VANGL2: variants seen among roughly 807,000 people sequenced by gnomAD.
The protein encoded by VANGL2 is VANGL planar cell polarity protein 2.
A neutral mutation model predicts 50.2 loss-of-function variants in VANGL2; 14 were observed. That is an observed-to-expected ratio of 0.28 (90% confidence interval 0.18 to 0.44). The LOEUF (loss-of-function observed/expected upper bound fraction) is 0.44. VANGL2 is among the 20% of genes least tolerant of loss of function. The probability of loss-of-function intolerance (pLI) is 1.00; values close to 1 mark genes in which losing one functional copy is unlikely to be tolerated. For synonymous variants in VANGL2, 295 were observed against 297.2 expected (o/e 0.99, Z 0.08); for missense variants, 533 against 701.5 (o/e 0.76, Z 2.71).
chr1:160,409,073 G>A (rs1293972744), intron 1 of VANGL2, among the ~76,000 whole-genome samples: 1 of 152,220 alleles, frequency 6.6e-6, no homozygotes, highest in East Asian at 1.9e-4. Flanking sequence ...GCTGAGGCCT[G>A]TCTAGTCTCT....
At chr1:160,407,175 G>C (rs1487272108) in intron 1 of VANGL2, among the ~76,000 whole-genome samples, 1 of 152,204 alleles carries the variant, frequency 6.6e-6, no homozygotes, top group East Asian at 1.9e-4. Context: ...GGAGGTGGCA[G>C]ATATAAGGGA....
chr1:160,427,913 C>T lies in VANGL2; in HGVS notation c.*2535C>T, dbSNP rs1035879017. 4 of 152,848 alleles carry T rather than the reference C, an allele frequency of 2.6e-5. No homozygotes were observed. Among genetic ancestry groups the T allele is most frequent in the Non-Finnish European group, 4.4e-5 (3 of 68,198 alleles). The allele number at this position is 152,848 out of a possible 1,614,324, so 9.5% of individuals were successfully genotyped here. A position where few individuals can be genotyped will look rare whatever the true frequency, so the allele number is the denominator to read the frequency against. On this transcript the variant is annotated 3_prime_UTR_variant, in exon 8 of 8. Coordinates refer to ENST00000368061, the MANE Select transcript of VANGL2 (RefSeq NM_020335.3). ...TAGCAGGCCTTCCTTTTCACCACCT[C>T]GGAACGCTTGCCTTTCCTCCCTCCA...
At chr1:160,416,827 G>A (rs1651076703) in intron 3 of VANGL2, among the ~76,000 whole-genome samples, 2 of 152,246 alleles carry the variant, frequency 1.3e-5, no homozygotes, top group Admixed American at 1.3e-4. Context: ...ATAGGGCAGA[G>A]GCAGGATTTT....
At position 160,420,519 on chromosome 1, in the gene VANGL2, T is replaced by C. The variant is rs1175952096; in HGVS notation, c.909T>C (p.Ser303=). 1.2e-6 allele frequency: 2 copies of C among 1,614,168 alleles called. No homozygotes were observed. Residue 303 remains serine (S), a synonymous_variant, in exon 5 of 8, where the codon TCT becomes TCC. Transcript: ENST00000368061. ...LPKSVLAKKV[S]GFKVYSLGEE... is the part of the protein sequence containing the mutation. ...AGTCCGTCCTGGCCAAGAAAGTGTCTGGCTTCAAGGTGTATTCCCTCGGAG... is the reference window on the plus strand; with the variant it reads ...AGTCCGTCCTGGCCAAGAAAGTGTCCGGCTTCAAGGTGTATTCCCTCGGAG...
At chr1:160,401,079 C>T (rs980359948) in intron 1 of VANGL2, among the ~76,000 whole-genome samples, 12 of 67,086 alleles carry the variant, frequency 1.8e-4, no homozygotes, top group African/African-American at 6.1e-4. Flanking sequence ...AGCGGAGTAC[C>T]CCCCCCAACT....
intron 1 of VANGL2, among the ~76,000 whole-genome samples, chr1:160,408,887 C>A (rs998050673): frequency 1.3e-5 from 2 of 152,252 alleles, no homozygotes; most frequent in African/African-American, 2.4e-5. Flanking sequence ...CTTGCCCACT[C>A]TGTACCTTAG....
chr1:160,428,145 G>A lies in VANGL2; in HGVS notation c.*2767G>A, dbSNP rs1431670831. ...ACTCAGTATTCCAATGGCAAACCCTGATGATGTAACACCTGCGATGAGACA... is the reference window on the plus strand; with the variant it reads ...ACTCAGTATTCCAATGGCAAACCCTAATGATGTAACACCTGCGATGAGACA... On this transcript the variant is annotated 3_prime_UTR_variant, in exon 8 of 8. Transcript: ENST00000368061. The A allele has an allele frequency of 1.3e-5, 2 of 152,480 alleles. No homozygotes were observed. The highest frequency in any genetic ancestry group is 6.6e-5 in the Admixed American group (1 of 15,258). The allele number at this position is 152,480 out of a possible 1,614,324, so 9.4% of individuals were successfully genotyped here.
intron 4 of VANGL2, among the ~76,000 whole-genome samples, 171 bp from the exon 5 acceptor site, chr1:160,420,240 A>G (rs1156523034): frequency 2.0e-5 from 3 of 152,020 alleles, no homozygotes; most frequent in African/African-American, 7.2e-5. Flanking sequence ...GCCCTGGGAA[A>G]GGCTTGGGAG....
chr1:160,423,685 G>A (rs758722045), intron 6 of VANGL2, among the ~76,000 whole-genome samples: 2 of 152,216 alleles, frequency 1.3e-5, no homozygotes, highest in Admixed American at 6.5e-5. Context: ...ACAGAAATCT[G>A]TCATTTTGAT....
At chr1:160,420,699 G>T (rs1557911621) in intron 5 of VANGL2, 152 bp downstream of exon 5, 4 of 1,158,830 alleles carry the variant, frequency 3.5e-6, no homozygotes, top group Non-Finnish European at 5.0e-6. Flanking sequence ...ACTCCAGGTG[G>T]CTGATCTTAG....
chr1:160,421,042 T>A lies in VANGL2; in HGVS notation c.938-10T>A. 1 of 1,614,072 alleles carries A rather than the reference T, an allele frequency of 6.2e-7. No individual in the cohort carries two copies. Among genetic ancestry groups the A allele is most frequent in the Non-Finnish European group, 8.5e-7 (1 of 1,180,004 alleles). On this transcript the variant is annotated splice_polypyrimidine_tract_variant and intron_variant, in intron 5 of 7. Transcript: ENST00000368061. Reference sequence around the variant, plus strand: ...GATGTGACCATCTCCTCTATCCTGTTCCTGTGCAGAAAACAGCACCAACAA... The same window carrying A: ...GATGTGACCATCTCCTCTATCCTGTACCTGTGCAGAAAACAGCACCAACAA...
At chr1:160,421,302 G>T (rs1651266349) in intron 6 of VANGL2, 115 bp downstream of exon 6, 5 of 1,402,608 alleles carry the variant, frequency 3.6e-6, no homozygotes, top group Admixed American at 4.0e-5. Flanking sequence ...ATGAGTTGGG[G>T]GTGTGTGCTT....
Position 160,416,868 on chromosome 1 carries a change from C to T in VANGL2, c.192+686C>T, listed in dbSNP as rs139920978. Among the ~76,000 whole-genome samples, 56 of 152,274 alleles carry T rather than the reference C, an allele frequency of 3.7e-4. 1 individual carries two copies. The East Asian group carries it at 5.0e-3, about 14-fold the overall frequency. The stretch of plus-strand genomic sequence containing the variant: ...ACACTGAGGTTGCCCAAGTCTCATT[C>T]CCCTTGGGATCATCTTTGGGGGCTG... On this transcript the variant is annotated intron_variant, in intron 3 of 7. Transcript: ENST00000368061.
Position 160,418,766 on chromosome 1 carries a change from C to T in VANGL2, c.193-236C>T, listed in dbSNP as rs374684340. Among the ~76,000 whole-genome samples the T allele has an allele frequency of 1.2e-4, 19 of 152,260 alleles. No individual in the cohort carries two copies. The South Asian group carries it at 1.5e-3, about 12-fold the overall frequency. On this transcript the variant is annotated intron_variant, in intron 3 of 7. Coordinates refer to ENST00000368061, the MANE Select transcript of VANGL2 (RefSeq NM_020335.3). ...TCTCACTGACCAGTGTCCAGCTCCC[C>T]GAGGGCTCGGGTCTTGGATTTGGCC...
At position 160,404,656 on chromosome 1, in the gene VANGL2, A is replaced by G. The variant is rs537288332; in HGVS notation, c.-191+3787A>G. ...GGATATTTCATACAAATGGAATGATAGAATGCATGACCTTTTGAATCTGGC... is the reference window on the plus strand; with the variant it reads ...GGATATTTCATACAAATGGAATGATGGAATGCATGACCTTTTGAATCTGGC... On this transcript the variant is annotated intron_variant, in intron 1 of 7. Transcript: ENST00000368061. Among the ~76,000 whole-genome samples, 11 of 152,362 alleles carry G rather than the reference A, an allele frequency of 7.2e-5. No homozygotes were observed. In the South Asian group the frequency reaches 1.4e-3, roughly 20 times the overall value.
intron 3 of VANGL2, among the ~76,000 whole-genome samples, 167 bp from the exon 4 acceptor site, chr1:160,418,835 T>C (rs1386805915): frequency 6.6e-6 from 1 of 152,174 alleles, no homozygotes; most frequent in East Asian, 1.9e-4. Flanking sequence ...GCTCAGTAAA[T>C]ACTTTGATGG....
At chr1:160,401,060 C>T (rs752968704) in intron 1 of VANGL2, among the ~76,000 whole-genome samples, 191 bp downstream of exon 1, 4 of 151,800 alleles carry the variant, frequency 2.6e-5, no homozygotes, top group Admixed American at 6.6e-5. Context: ...GTCCGCTTCC[C>T]CACTGCACAG....
At chr1:160,420,345 T>G (rs1651222470) in intron 4 of VANGL2, 66 bp from the exon 5 acceptor site, 3 of 1,605,096 alleles carry the variant, frequency 1.9e-6, no homozygotes, top group Middle Eastern at 1.7e-4. Context: ...TGCCCTAATG[T>G]GTCCCTTTCC....
rs1187130154 is a variant in VANGL2 at position 160,427,886 on chromosome 1, C to G, written c.*2508C>G. On this transcript the variant is annotated 3_prime_UTR_variant, in exon 8 of 8. Coordinates refer to ENST00000368061, the MANE Select transcript of VANGL2 (RefSeq NM_020335.3). ...GGCATCCTCGTTCATCCCCACCGTG[C>G]CTAGCAGGCCTTCCTTTTCACCACC... is the stretch of plus-strand genomic sequence containing the variant. 1 of 152,834 alleles carries G rather than the reference C, an allele frequency of 6.5e-6. No individual in the cohort carries two copies. Among genetic ancestry groups the G allele is most frequent in the East Asian group, 1.9e-4 (1 of 5,212 alleles). The allele number at this position is 152,834 out of a possible 1,614,324, so 9.5% of individuals were successfully genotyped here.
Sources: allele counts gnomAD v4.1 joint callset (sites outside exome capture counted in the v4.1 genomes callset), GRCh38; gene constraint gnomAD v4.1.1; transcripts MANE v1.5; gene names NCBI Gene and HGNC (gene_info 2026-07-23, HGNC 2026-07-21).